The following DYM variants were observed in gnomAD, a reference collection of about 807,000 sequenced individuals.
The protein encoded by DYM is dymeclin.
A neutral mutation model predicts 93.1 loss-of-function variants in DYM; 78 were observed. The ratio of observed to expected loss-of-function variants is 0.84; its 90% confidence interval spans 0.70 to 1.01. The LOEUF is 1.01. Ranked by LOEUF, DYM falls within the 50% of genes least tolerant of loss-of-function variation. The probability of loss-of-function intolerance (pLI) is 0.00; values close to 1 mark genes in which losing one functional copy is unlikely to be tolerated. For missense variants in DYM, 789 were observed against 845.0 expected (o/e 0.93, Z 0.82); for synonymous variants, 321 against 319.7 (o/e 1.00, Z -0.04).
At chr18:49,247,329 A>T (rs2094193731) in intron 13 of DYM, among the ~76,000 whole-genome samples, 1 of 152,178 alleles carries the variant, frequency 6.6e-6, no homozygotes, top group South Asian at 2.1e-4. Context: ...AAAAAATATA[A>T]AAAAAGGACA....
At chr18:49,081,052 C>T (rs531720210) in intron 17 of DYM, among the ~76,000 whole-genome samples, 2,426 of 146,282 alleles carry the variant, frequency 0.017, 59 homozygotes, top group African/African-American at 0.057. Context: ...TCCTCACGTC[C>T]CAGACGATGG....
chr18:49,289,756 T>C (rs76164117), intron 8 of DYM, among the ~76,000 whole-genome samples: 8,662 of 47,532 alleles, frequency 0.18, 706 homozygotes, highest in African/African-American at 0.27. Context: ...TATATATATA[T>C]ATATATATAT....
chr18:49,182,108 G>A (rs1249728857), intron 14 of DYM, among the ~76,000 whole-genome samples: 1 of 152,172 alleles, frequency 6.6e-6, no homozygotes, highest in African/African-American at 2.4e-5. Flanking sequence ...GGATTTTCCA[G>A]AAAGTTATCC....
chr18:49,043,971 G>C lies in DYM; in HGVS notation c.*84C>G. On this transcript the variant is annotated 3_prime_UTR_variant, in exon 18 of 18. Transcript: ENST00000675505. ...TAACAGAAGATACACCAAGTAACCT[G>C]TCTGTCTACTTCTGTTACCCAGAAA... 3 of 1,500,344 alleles carry C rather than the reference G, an allele frequency of 2.0e-6. No individual in the cohort carries two copies. The highest frequency in any genetic ancestry group is 1.8e-6 in the Non-Finnish European group (2 of 1,086,896). The allele number at this position is 1,500,344 out of a possible 1,614,324, so 92.9% of individuals were successfully genotyped here.
intron 17 of DYM, among the ~76,000 whole-genome samples, chr18:49,076,826 G>C (rs2077348705): frequency 6.6e-6 from 1 of 152,188 alleles, no homozygotes; most frequent in African/African-American, 2.4e-5. Flanking sequence ...TACAAGACTA[G>C]TTCTGGGCTG....
chr18:49,251,346 T>C (rs893705924), intron 13 of DYM, among the ~76,000 whole-genome samples: 1 of 152,082 alleles, frequency 6.6e-6, no homozygotes, highest in African/African-American at 2.4e-5. Flanking sequence ...GAAGAGCATA[T>C]ACATGCAAAT....
At chr18:49,139,982 T>C (rs908346928) in intron 15 of DYM, among the ~76,000 whole-genome samples, 1 of 152,192 alleles carries the variant, frequency 6.6e-6, no homozygotes, top group Non-Finnish European at 1.5e-5. Context: ...TCCTGTGCCA[T>C]TACATTTAAT....
intron 17 of DYM, among the ~76,000 whole-genome samples, chr18:49,050,646 T>G (rs552334511): frequency 6.6e-6 from 1 of 152,044 alleles, no homozygotes; most frequent in African/African-American, 2.4e-5. Flanking sequence ...GACAGCCCAG[T>G]AGGAAGCTCA....
At chr18:49,064,827 T>C (rs970135075) in intron 17 of DYM, among the ~76,000 whole-genome samples, 1 of 151,616 alleles carries the variant, frequency 6.6e-6, no homozygotes, top group African/African-American at 2.4e-5. Flanking sequence ...GTAGTTTCTC[T>C]CTTTACTTTC....
chr18:49,096,646 T>G (rs1165274671), intron 17 of DYM, among the ~76,000 whole-genome samples: 1 of 152,260 alleles, frequency 6.6e-6, no homozygotes, highest in Admixed American at 6.5e-5. Flanking sequence ...GGATCTTCTT[T>G]ACATCTTTTT....
At chr18:49,456,575 T>C (rs1051581114) in intron 1 of DYM, among the ~76,000 whole-genome samples, 18 of 152,312 alleles carry the variant, frequency 1.2e-4, no homozygotes, top group African/African-American at 3.4e-4. Flanking sequence ...TATTGGAAAG[T>C]TTCAGCCACT....
At chr18:49,202,092 C>T (rs1261873527) in intron 14 of DYM, among the ~76,000 whole-genome samples, 1 of 152,166 alleles carries the variant, frequency 6.6e-6, no homozygotes, top group Non-Finnish European at 1.5e-5. Context: ...GTCACTTAGC[C>T]GAAAACTTTC....
chr18:49,213,392 G>A (rs1376528664), intron 13 of DYM, among the ~76,000 whole-genome samples: 1 of 151,708 alleles, frequency 6.6e-6, no homozygotes, highest in Non-Finnish European at 1.5e-5. Flanking sequence ...CGCCTCCCGG[G>A]TTCAAGCAAT....
At chr18:49,077,877 G>A (rs750411130) in intron 17 of DYM, among the ~76,000 whole-genome samples, 5 of 151,732 alleles carry the variant, frequency 3.3e-5, no homozygotes, top group Non-Finnish European at 5.9e-5. Flanking sequence ...ATATAGTTGG[G>A]TCTTATTTTA....
intron 14 of DYM, among the ~76,000 whole-genome samples, chr18:49,192,185 G>A (rs933486054): frequency 1.4e-5 from 2 of 147,240 alleles, no homozygotes; most frequent in Admixed American, 1.4e-4. Flanking sequence ...TCCACCCAGA[G>A]TGCTGGGATT....
chr18:49,113,296 G>A (rs1467997342), intron 16 of DYM, among the ~76,000 whole-genome samples: 1 of 152,056 alleles, frequency 6.6e-6, no homozygotes, highest in African/African-American at 2.4e-5. Context: ...CTCATATTCA[G>A]CCATTTCTTA....
At chr18:49,056,737 C>T (rs1020704062) in intron 17 of DYM, among the ~76,000 whole-genome samples, 18 of 150,280 alleles carry the variant, frequency 1.2e-4, no homozygotes, top group South Asian at 1.1e-3. Context: ...TTAGTAGAGA[C>T]GGGGTTTCAC....
At chr18:49,267,054 C>A (rs2094581927) in intron 11 of DYM, among the ~76,000 whole-genome samples, 1 of 151,860 alleles carries the variant, frequency 6.6e-6, no homozygotes, top group Non-Finnish European at 1.5e-5. Flanking sequence ...GGAGGAAAAA[C>A]AATCAATAGA....
intron 16 of DYM, among the ~76,000 whole-genome samples, chr18:49,114,913 A>C (rs984730558): frequency 1.3e-5 from 2 of 152,220 alleles, no homozygotes; most frequent in African/African-American, 2.4e-5. Context: ...AGGTTTGTGG[A>C]TATGATCAGA....
Sources: allele counts gnomAD v4.1 joint callset (sites outside exome capture counted in the v4.1 genomes callset), GRCh38; gene constraint gnomAD v4.1.1; transcripts MANE v1.5; gene names NCBI Gene and HGNC (gene_info 2026-07-23, HGNC 2026-07-21).